Variants in MYOCD observed in about 807,000 individuals in gnomAD.
MYOCD encodes the protein myocardin.
A neutral mutation model predicts 96.1 loss-of-function variants in MYOCD; 32 were observed. That is an observed-to-expected ratio of 0.33 (90% CI 0.25 to 0.45). The LOEUF (loss-of-function observed/expected upper bound fraction) is 0.45. Ranked by LOEUF, MYOCD falls within the 20% of genes least tolerant of loss-of-function variation. The pLI, the probability that MYOCD is intolerant of heterozygous loss-of-function variation, is 1.00. For missense variants in MYOCD, 1,133 were observed against 1,200.6 expected, an observed-to-expected ratio of 0.94 and a Z score of 0.83; for synonymous variants, 469 against 469.0, an observed-to-expected ratio of 1.00 and a Z score of 0.00.
chr17:12,719,575 G>A (rs1207700659), intron 4 of MYOCD, among the ~76,000 whole-genome samples: 1 of 151,800 alleles, frequency 6.6e-6, no homozygotes, highest in Admixed American at 6.6e-5. Flanking sequence ...TTTTTAGGCT[G>A]GGTACAGTGG....
chr17:12,683,612 G>T (rs1299370881), intron 1 of MYOCD, among the ~76,000 whole-genome samples: 1 of 152,080 alleles, frequency 6.6e-6, no homozygotes, highest in African/African-American at 2.4e-5. Flanking sequence ...AAGTAGAACT[G>T]GAAGGAGGCA....
At chr17:12,694,674 G>C (rs2030649711) in intron 1 of MYOCD, among the ~76,000 whole-genome samples, 1 of 152,116 alleles carries the variant, frequency 6.6e-6, no homozygotes, top group African/African-American at 2.4e-5. Flanking sequence ...CCTTTTAGGA[G>C]AGCTATTGTC....
intron 5 of MYOCD, among the ~76,000 whole-genome samples, chr17:12,725,350 A>T (rs1405372330): frequency 6.7e-6 from 1 of 149,924 alleles, no homozygotes. Flanking sequence ...AATAAATTAC[A>T]TGTCATGTTT....
In MYOCD at chr17:12,717,406, A is replaced by C. The variant is rs958082210; in HGVS notation, c.238A>C (p.Met80Leu). 6.2e-7 allele frequency: 1 copy of C among 1,613,748 alleles called. No homozygotes were observed. Among genetic ancestry groups the C allele is most frequent in the East Asian group, 2.2e-5 (1 of 44,888 alleles). ...GTGCAACAGTGCCGACTTGGTTAAT[A>C]TGCACATACTCCAAGGTAAGGCTGC... ...NRCNSADLVNMHILQASTAER... is the reference protein window; with the variant it reads ...NRCNSADLVNLHILQASTAER... The change falls in exon 4 of 14, where the codon ATG becomes CTG. Residue 80 changes from methionine to leucine, a missense_variant. By Grantham distance (15) the Met-to-Leu change is conservative. Transcript: ENST00000425538.
At chr17:12,666,563 G>A (rs1034764509) in intron 1 of MYOCD, among the ~76,000 whole-genome samples, 1 of 152,092 alleles carries the variant, frequency 6.6e-6, no homozygotes. Flanking sequence ...AACAAATAAG[G>A]GATTTCAAGT....
chr17:12,723,030 T>A, intron 5 of MYOCD, 22 bp downstream of exon 5: 2 of 1,606,596 alleles, frequency 1.2e-6, no homozygotes, highest in Non-Finnish European at 1.7e-6. Flanking sequence ...AAATGGCATG[T>A]CTCTCCTTGG....
chr17:12,689,204 A>G (rs945696617), intron 1 of MYOCD, among the ~76,000 whole-genome samples: 5 of 152,174 alleles, frequency 3.3e-5, no homozygotes, highest in Non-Finnish European at 5.9e-5. Flanking sequence ...TACCTGCTGC[A>G]TATAAACATT....
intron 1 of MYOCD, among the ~76,000 whole-genome samples, chr17:12,688,554 C>G (rs963797045): frequency 9.8e-6 from 1 of 102,048 alleles, no homozygotes; most frequent in Non-Finnish European, 1.8e-5. Context: ...CCATCTTCTT[C>G]CTTCCTTCCT....
At chr17:12,755,406 C>T (rs1343454138) in intron 10 of MYOCD, among the ~76,000 whole-genome samples, 4 of 151,926 alleles carry the variant, frequency 2.6e-5, no homozygotes, top group African/African-American at 9.7e-5. Context: ...GTCAAGAGTT[C>T]GAGACCAGCC....
At chr17:12,682,045 G>A (rs1910499111) in intron 1 of MYOCD, among the ~76,000 whole-genome samples, 1 of 152,180 alleles carries the variant, frequency 6.6e-6, no homozygotes, top group Admixed American at 6.5e-5. Flanking sequence ...CCTTGTTTGG[G>A]AAATGTGGCC....
chr17:12,681,187 A>T (rs966706707), intron 1 of MYOCD, among the ~76,000 whole-genome samples: 6 of 152,226 alleles, frequency 3.9e-5, no homozygotes. Context: ...CGAACCAGTC[A>T]GAGCTGGCTT....
intron 10 of MYOCD, among the ~76,000 whole-genome samples, chr17:12,755,775 G>A (rs529420574): frequency 2.6e-4 from 39 of 152,280 alleles, no homozygotes; most frequent in African/African-American, 8.9e-4. Context: ...GGGATGCTGA[G>A]GTAAGGGAAT....
intron 12 of MYOCD, chr17:12,760,421 C>A: frequency 2.0e-6 from 1 of 492,460 alleles, no homozygotes; most frequent in South Asian, 2.5e-5. Flanking sequence ...ATTCTGAAGA[C>A]AGATGGTGGT....
chr17:12,747,035 ATTTT>A (rs5819385), intron 9 of MYOCD, among the ~76,000 whole-genome samples: 3 of 148,814 alleles, frequency 2.0e-5, no homozygotes, highest in African/African-American at 7.4e-5. Context: ...GCCCCTACCA[ATTTT>A]TTTTTTTTTT....
intron 6 of MYOCD, among the ~76,000 whole-genome samples, chr17:12,737,900 T>C (rs888679316): frequency 5.3e-5 from 8 of 152,216 alleles, no homozygotes; most frequent in African/African-American, 1.9e-4. Flanking sequence ...CATGGAAAGC[T>C]GAGCTGAATA....
At chr17:12,729,017 A>G (rs959060143) in intron 5 of MYOCD, among the ~76,000 whole-genome samples, 5 of 152,148 alleles carry the variant, frequency 3.3e-5, no homozygotes, top group African/African-American at 1.2e-4. Context: ...TTCACTAAGA[A>G]TCTAGTCATT....
At chr17:12,757,591 G>A (rs2033049551) in intron 11 of MYOCD, among the ~76,000 whole-genome samples, 1 of 152,128 alleles carries the variant, frequency 6.6e-6, no homozygotes, top group African/African-American at 2.4e-5. Context: ...CCACCTCCCA[G>A]GTTCAAGCGA....
intron 7 of MYOCD, among the ~76,000 whole-genome samples, chr17:12,740,399 C>T (rs2032472850): frequency 6.6e-6 from 1 of 152,194 alleles, no homozygotes; most frequent in Non-Finnish European, 1.5e-5. Context: ...TTAGTTCCCA[C>T]TTATAAGTGA....
At chr17:12,759,346 A>C (rs978584930) in intron 12 of MYOCD, among the ~76,000 whole-genome samples, 2 of 152,192 alleles carry the variant, frequency 1.3e-5, no homozygotes, top group Non-Finnish European at 2.9e-5. Flanking sequence ...CAATTGCCTA[A>C]ACCAAGGTTC....
Sources: gnomAD v4.1 joint callset for allele counts (sites outside exome capture counted in the v4.1 genomes callset) on GRCh38, gnomAD v4.1.1 for gene constraint, MANE v1.5 for transcripts, NCBI Gene and HGNC (gene_info 2026-07-23, HGNC 2026-07-21) for gene names.